GSE1: variants seen among roughly 807,000 people sequenced by gnomAD.
The protein encoded by GSE1 is genetic suppressor element 1.
A neutral mutation model predicts 112.6 loss-of-function variants in GSE1; 32 were observed. The ratio of observed to expected loss-of-function variants is 0.28; its 90% CI spans 0.21 to 0.38. The LOEUF (loss-of-function observed/expected upper bound fraction) is 0.38, where lower values mean the gene tolerates loss of function less well. Ranked by LOEUF, GSE1 falls within the 10% of genes least tolerant of loss-of-function variation. The pLI, the probability that GSE1 is intolerant of heterozygous loss-of-function variation, is 1.00. For missense variants in GSE1, 2,348 were observed against 1,699.2 expected, an observed-to-expected ratio of 1.38 and a Z score of -6.71; for synonymous variants, 1,115 against 735.6, an observed-to-expected ratio of 1.52 and a Z score of -8.35.
In GSE1 at chr16:85,668,268, A is replaced by G; in HGVS notation, c.3259A>G (p.Thr1087Ala). ...PQHNGQQEPP[T>A]ARKGPPTQEL... ...GCACAATGGGCAGCAGGAGCCCCCC[A>G]CTGCAAGGAAGGGCCCCCCAACCCA... The change falls in exon 14 of 16, where the codon ACT becomes GCT. Residue 1087 changes from threonine to alanine, a missense_variant. Thr to Ala is a moderately conservative substitution (Grantham distance 58, BLOSUM62 0). Transcript: ENST00000253458. The G allele has an allele frequency of 6.2e-7, 1 of 1,611,558 alleles. No homozygotes were observed. The highest frequency in any genetic ancestry group is 8.5e-7 in the Non-Finnish European group (1 of 1,177,900).
chr16:85,353,227 G>A (rs933060542), intron 1 of GSE1, among the ~76,000 whole-genome samples: 10 of 152,178 alleles, frequency 6.6e-5, no homozygotes, highest in Non-Finnish European at 1.5e-4. Context: ...ACTCGACCGG[G>A]GAAGAACCCA....
At chr16:85,519,557 A>ATCACCATCACCACCATCATCACCAGT (rs1567555794) in intron 2 of GSE1, among the ~76,000 whole-genome samples, 2 of 31,808 alleles carry the variant, frequency 6.3e-5, no homozygotes, top group African/African-American at 4.2e-4. Context: ...TACCACCATC[A>ATCACCATCACCACCATCATCACCAGT]CTATCATCAT....
intron 1 of GSE1, among the ~76,000 whole-genome samples, chr16:85,271,728 C>T (rs1363425887): frequency 6.6e-6 from 1 of 152,234 alleles, no homozygotes; most frequent in East Asian, 1.9e-4. Context: ...TGCCACTTTT[C>T]ACCCTGTCTT....
chr16:85,291,276 T>G (rs941587653), intron 1 of GSE1, among the ~76,000 whole-genome samples: 1 of 152,038 alleles, frequency 6.6e-6, no homozygotes, highest in East Asian at 1.9e-4. Flanking sequence ...GAGCCAGGCG[T>G]CCCTCCTCAC....
rs531813449 is a variant in GSE1 at position 85,439,209 on chromosome 16, C to A, written c.2464+81566C>A. ...CTGACCTGGATGGTGATTTATGTGG[C>A]TGAGGCAAAAAGCCACTGAGGTGGG... On this transcript the variant is annotated intron_variant, in intron 2 of 2. Transcript: ENST00000637419. 3.3e-5 allele frequency among the ~76,000 whole-genome samples: 5 copies of A among 152,340 alleles called. No individual in the cohort carries two copies. In the East Asian group the frequency reaches 7.7e-4, roughly 24 times the overall value.
At chr16:85,370,969 G>T (rs1332356301) in intron 2 of GSE1, among the ~76,000 whole-genome samples, 6 of 152,254 alleles carry the variant, frequency 3.9e-5, no homozygotes, top group Non-Finnish European at 8.8e-5. Flanking sequence ...GAGGCTGGGA[G>T]GGCAGGAGGA....
chr16:85,198,049 C>G (rs138084855), intron 1 of GSE1, among the ~76,000 whole-genome samples: 1 of 152,132 alleles, frequency 6.6e-6, no homozygotes, highest in African/African-American at 2.4e-5. Context: ...GAGTCCTGTT[C>G]CAGCAGAGGG....
rs112699736 is a variant in GSE1, at chr16:85,399,018, GTTGGCAGACA to G, written c.2464+41386_2464+41395del. ...TACATTGTGTAAGTACTTGTGTGTG[GTTGGCAGACA>G]TTGGCAGACACATATGCATGTGCAG... On this transcript the variant is annotated intron_variant, in intron 2 of 2. Transcript: ENST00000637419. Among the ~76,000 whole-genome samples, 846 of 152,212 alleles carry G rather than the reference GTTGGCAGACA, an allele frequency of 5.6e-3. 8 individuals are homozygous for G. The highest frequency in any genetic ancestry group is 0.019 in the African/African-American group (772 of 41,524).
chr16:85,368,433 G>T (rs926890937), intron 2 of GSE1, among the ~76,000 whole-genome samples: 2 of 152,134 alleles, frequency 1.3e-5, no homozygotes, highest in Non-Finnish European at 2.9e-5. Context: ...GACCAGGCAC[G>T]GTGGCTCCTG....
intron 2 of GSE1, among the ~76,000 whole-genome samples, chr16:85,461,459 TCCATGCC>T (rs1237168638): frequency 6.6e-6 from 1 of 150,860 alleles, no homozygotes; most frequent in African/African-American, 2.5e-5. Flanking sequence ...AATGGCTGGG[TCCATGCC>T]CAGAGGTGTG....
intron 1 of GSE1, among the ~76,000 whole-genome samples, chr16:85,250,934 C>T (rs1906403759): frequency 6.6e-6 from 1 of 151,290 alleles, no homozygotes; most frequent in Admixed American, 6.7e-5. Context: ...ACTTCTGTGT[C>T]TGGCATCTTT....
intron 2 of GSE1, among the ~76,000 whole-genome samples, chr16:85,411,727 G>C (rs1449276651): frequency 1.8e-4 from 13 of 71,254 alleles, no homozygotes; most frequent in African/African-American, 1.1e-3. Flanking sequence ...AATCCTCACT[G>C]TTACACTCAG....
At chr16:85,170,262 G>A in exon 1 of GSE1, 1 of 985,672 alleles carries the variant, frequency 1.0e-6, no homozygotes, top group Non-Finnish European at 1.2e-6. Flanking sequence ...ACGCGGATGG[G>A]GAGCCCAAGT....
intron 1 of GSE1, among the ~76,000 whole-genome samples, chr16:85,205,897 C>G (rs762142687): frequency 1.3e-5 from 2 of 152,220 alleles, no homozygotes; most frequent in Non-Finnish European, 2.9e-5. Context: ...TTACTGAGTG[C>G]CGTCACGTGC....
At chr16:85,418,987 G>A (rs1329702005) in intron 2 of GSE1, among the ~76,000 whole-genome samples, 1 of 152,170 alleles carries the variant, frequency 6.6e-6, no homozygotes, top group African/African-American at 2.4e-5. Flanking sequence ...AGAGGCGCTG[G>A]AGCTCCGTCC....
intron 1 of GSE1, among the ~76,000 whole-genome samples, chr16:85,191,808 A>G (rs1330824535): frequency 6.6e-6 from 1 of 152,060 alleles, no homozygotes; most frequent in Non-Finnish European, 1.5e-5. Flanking sequence ...GGGAGGTGAT[A>G]CTTGCAAGGC....
intron 2 of GSE1, among the ~76,000 whole-genome samples, chr16:85,391,710 C>T (rs1263931483): frequency 2.6e-5 from 4 of 152,134 alleles, no homozygotes; most frequent in Non-Finnish European, 5.9e-5. Context: ...TTACAGGTTC[C>T]GGGTGGACAT....
intron 1 of GSE1, among the ~76,000 whole-genome samples, chr16:85,294,818 C>G (rs895890231): frequency 1.3e-5 from 2 of 151,966 alleles, no homozygotes; most frequent in African/African-American, 4.8e-5. Context: ...GGGTGGGGAT[C>G]TCTTGTGAAT....
chr16:85,477,754 G>A (rs1485322086), intron 2 of GSE1, among the ~76,000 whole-genome samples: 7 of 151,860 alleles, frequency 4.6e-5, no homozygotes, highest in African/African-American at 1.2e-4. Context: ...TAGAGACGGG[G>A]TTTCACTATG....
Sources: gnomAD v4.1 joint callset for allele counts (sites outside exome capture counted in the v4.1 genomes callset) on GRCh38, gnomAD v4.1.1 for gene constraint, MANE v1.5 for transcripts, NCBI Gene and HGNC (gene_info 2026-07-23, HGNC 2026-07-21) for gene names.